Variants in DGKH observed in about 807,000 individuals in gnomAD.
DGKH encodes the protein diacylglycerol kinase eta.
DGKH carries 90 observed loss-of-function variants against 159.3 expected under a neutral mutation model. The observed-to-expected ratio is 0.57, with a 90% CI of 0.48 to 0.67. The LOEUF (loss-of-function observed/expected upper bound fraction) is 0.67. DGKH is among the 30% of genes least tolerant of loss of function. DGKH has a pLI of 0.00. For synonymous variants in DGKH, 536 were observed against 553.8 expected, an observed-to-expected ratio of 0.97 and a Z score of 0.45; for missense variants, 1,181 against 1,506.1, an observed-to-expected ratio of 0.78 and a Z score of 3.57.
chr13:42,090,058 A>G (rs1037418955), intron 1 of DGKH, among the ~76,000 whole-genome samples: 4 of 152,174 alleles, frequency 2.6e-5, no homozygotes, highest in Non-Finnish European at 5.9e-5. Flanking sequence ...ATATATTTGG[A>G]AAAGTTGGGT....
At chr13:42,100,952 AAGTCTT>A (rs1954640795) in intron 1 of DGKH, among the ~76,000 whole-genome samples, 1 of 152,186 alleles carries the variant, frequency 6.6e-6, no homozygotes, top group Non-Finnish European at 1.5e-5. Context: ...GGCCTTAAGC[AAGTCTT>A]TGTTTTCTCA....
chr13:42,075,581 TTGC>T (rs1188162315), intron 1 of DGKH, among the ~76,000 whole-genome samples: 1 of 152,250 alleles, frequency 6.6e-6, no homozygotes, highest in East Asian at 1.9e-4. Flanking sequence ...CTCATGCCTG[TTGC>T]TGCTGCTAGC....
chr13:42,078,443 C>T (rs1376559408), intron 1 of DGKH, among the ~76,000 whole-genome samples: 1 of 152,302 alleles, frequency 6.6e-6, no homozygotes, highest in Non-Finnish European at 1.5e-5. Context: ...TCTGTTGGAC[C>T]TTGTTTTCTG....
upstream of DGKH, among the ~76,000 whole-genome samples, chr13:42,046,411 G>A (rs529325192): frequency 1.6e-4 from 25 of 152,312 alleles, no homozygotes; most frequent in Admixed American, 8.5e-4. Context: ...AGATAAGACC[G>A]AGAAGAGGCT....
At chr13:42,162,854 A>G (rs1956220992) in intron 7 of DGKH, among the ~76,000 whole-genome samples, 2 of 146,270 alleles carry the variant, frequency 1.4e-5, no homozygotes, top group African/African-American at 4.9e-5. Flanking sequence ...TATTTTGCGT[A>G]TGTCTTTTTT....
rs563247275 is a variant in DGKH at position 42,131,734 on chromosome 13, A to T, written c.384+2102A>T. Among the ~76,000 whole-genome samples the T allele has an allele frequency of 3.3e-5, 5 of 152,310 alleles. No individual in the cohort carries two copies. The East Asian group carries it at 9.6e-4, about 29-fold the overall frequency. On this transcript the variant is annotated intron_variant, in intron 3 of 29. Coordinates refer to ENST00000337343, the MANE Select transcript of DGKH (RefSeq NM_178009.5). ...GAGTAGAGAACAAACAAATGAATTG[A>T]TCCAGGGTTGGTGGTTTATAGGGCA... is the stretch of plus-strand genomic sequence containing the variant.
At chr13:42,150,319 G>A (rs1273419264) in intron 3 of DGKH, among the ~76,000 whole-genome samples, 2 of 152,154 alleles carry the variant, frequency 1.3e-5, no homozygotes, top group Non-Finnish European at 2.9e-5. Context: ...GGGTTCCATG[G>A]ACTACGTGGA....
rs1000818488 is a variant in DGKH, at chr13:42,109,421, G to C, written c.193-18042G>C. ...ACCCAGGCCGTACCTCTGCACCTCT[G>C]TGCATGATGGAGATGGACGATTACA... On this transcript the variant is annotated intron_variant, in intron 1 of 29. Coordinates refer to ENST00000337343, the MANE Select transcript of DGKH (RefSeq NM_178009.5). Among the ~76,000 whole-genome samples, 4 of 152,222 alleles carry C rather than the reference G, an allele frequency of 2.6e-5. No individual in the cohort carries two copies. In the East Asian group the frequency reaches 7.7e-4, roughly 29 times the overall value.
intron 16 of DGKH, among the ~76,000 whole-genome samples, chr13:42,191,264 A>C (rs12854131): frequency 0.12 from 18,117 of 152,202 alleles, 1,524 homozygotes; most frequent in East Asian, 0.4. Context: ...AAATAAATAC[A>C]TGGCACTTAT....
chr13:42,131,235 C>G (rs1224742032), intron 3 of DGKH, among the ~76,000 whole-genome samples: 1 of 152,018 alleles, frequency 6.6e-6, no homozygotes, highest in Non-Finnish European at 1.5e-5. Flanking sequence ...AATGTTTCAT[C>G]CAGAAGAGAA....
At chr13:42,043,959 C>G (rs545452094), upstream of DGKH, 1 of 151,944 alleles carries the variant, frequency 6.6e-6, no homozygotes, top group Non-Finnish European at 1.5e-5. Flanking sequence ...CTCAGCCTCC[C>G]GAGTAGCTGG....
intron 3 of DGKH, among the ~76,000 whole-genome samples, chr13:42,151,478 GGT>G (rs143470293): frequency 0.099 from 12,285 of 123,572 alleles, 710 homozygotes; most frequent in Admixed American, 0.15. Context: ...AGTATTCCAT[GGT>G]GTGTGTGTGT....
At chr13:42,046,652 A>C (rs1880809672), upstream of DGKH, among the ~76,000 whole-genome samples, 1 of 152,236 alleles carries the variant, frequency 6.6e-6, no homozygotes, top group African/African-American at 2.4e-5. Context: ...AAATCACAAA[A>C]TCAGGCTGGG....
chr13:42,060,506 C>T (rs1040163798), intron 1 of DGKH, among the ~76,000 whole-genome samples: 3 of 152,182 alleles, frequency 2.0e-5, no homozygotes, highest in Admixed American at 2.0e-4. Context: ...CTACTCATTC[C>T]CGGCCAAATT....
chr13:42,226,112 AC>A lies in DGKH; in HGVS notation c.3574-2986del, dbSNP rs545565783. Among the ~76,000 whole-genome samples, 569 of 152,296 alleles carry A rather than the reference AC, an allele frequency of 3.7e-3. 2 individuals carry two copies. The highest frequency in any genetic ancestry group is 0.013 in the African/African-American group (544 of 41,564). On this transcript the variant is annotated intron_variant, in intron 29 of 29. Coordinates refer to ENST00000337343, the MANE Select transcript of DGKH (RefSeq NM_178009.5). ...CTTAAACAAATTTACAAGAAAAAAA[AC>A]AACCCCCATTAAAAAGTGAGCAAAG...
intron 28 of DGKH, 175 bp from the exon 29 acceptor site, chr13:42,221,089 T>C: frequency 1.4e-6 from 1 of 735,882 alleles, no homozygotes; most frequent in East Asian, 2.9e-5. Flanking sequence ...GTGTTGATAG[T>C]GTGTAACTTG....
chr13:42,070,335 A>G (rs1034375257), intron 1 of DGKH: 1 of 1,395,654 alleles, frequency 7.2e-7, no homozygotes, highest in African/African-American at 1.4e-5. Flanking sequence ...GATCTTCCTC[A>G]TGTGCAACAG....
chr13:42,255,855 C>G, intron 30 of DGKH: 1 of 898,058 alleles, frequency 1.1e-6, no homozygotes, highest in Non-Finnish European at 1.7e-6. Flanking sequence ...TTTTTATCTT[C>G]AAAAAAGAGA....
rs1555276050 is a variant in DGKH, at chr13:42,207,062, C to CTTTCTTTCTTTCTTTCT, written c.2601+918_2601+919insTCTTTCTTTCTTTCTTT. Among the ~76,000 whole-genome samples the CTTTCTTTCTTTCTTTCT allele has an allele frequency of 1.3e-3, 87 of 65,370 alleles. 22 individuals are homozygous for CTTTCTTTCTTTCTTTCT. The highest frequency in any genetic ancestry group is 2.4e-3 in the African/African-American group (34 of 13,970). The allele number at this position is 65,370 out of a possible 152,430, so 42.9% of individuals were successfully genotyped here. A position where few individuals can be genotyped will look rare whatever the true frequency, so the allele number is the denominator to read the frequency against. The stretch of plus-strand genomic sequence containing the variant: ...CTTTCCTTCTTTCCTTCTTTCCTTC[C>CTTTCTTTCTTTCTTTCT]TTCTTTCTTTCTTTCTTTCTTTCTT... On this transcript the variant is annotated intron_variant, in intron 21 of 29. Coordinates refer to ENST00000337343, the MANE Select transcript of DGKH (RefSeq NM_178009.5).
Sources: gnomAD v4.1 joint callset for allele counts (sites outside exome capture counted in the v4.1 genomes callset) on GRCh38, gnomAD v4.1.1 for gene constraint, MANE v1.5 for transcripts, NCBI Gene and HGNC (gene_info 2026-07-23, HGNC 2026-07-21) for gene names.